Variants in SPATA13 observed in about 807,000 individuals in gnomAD.
SPATA13 encodes spermatogenesis-associated protein 13.
A neutral mutation model predicts 104.0 loss-of-function variants in SPATA13; 50 were observed. That is an observed-to-expected ratio of 0.48 (90% CI 0.38 to 0.61). SPATA13 has a LOEUF of 0.61. Ranked by LOEUF, SPATA13 falls within the 20% of genes least tolerant of loss-of-function variation. SPATA13 has a pLI of 0.00. For synonymous variants in SPATA13, 606 were observed against 667.5 expected (o/e 0.91, Z 1.42); for missense variants, 1,524 against 1,690.6 (o/e 0.90, Z 1.73).
chr13:24,212,351 G>A (rs566949172), intron 1 of SPATA13, among the ~76,000 whole-genome samples: 39 of 152,054 alleles, frequency 2.6e-4, no homozygotes, highest in African/African-American at 8.4e-4. Context: ...TCATTTAAAT[G>A]GAGGACATCA....
chr13:24,157,170 TG>T (rs1456675390), upstream of SPATA13, among the ~76,000 whole-genome samples: 4 of 152,222 alleles, frequency 2.6e-5, no homozygotes, highest in Non-Finnish European at 5.9e-5. Context: ...AGCCGTAGTC[TG>T]GGCGGAAAGG....
intron 1 of SPATA13, among the ~76,000 whole-genome samples, chr13:24,184,388 CCCA>C (rs1188415225): frequency 6.6e-6 from 1 of 152,168 alleles, no homozygotes; most frequent in African/African-American, 2.4e-5. Context: ...CTGTGCGGGT[CCCA>C]GCTGGGCCAA....
intron 3 of SPATA13, among the ~76,000 whole-genome samples, chr13:24,042,607 A>G (rs9507226): frequency 0.95 from 144,754 of 152,350 alleles, 69,093 homozygotes; most frequent in Non-Finnish European, 1. Flanking sequence ...GCACTGGCTC[A>G]TGGGCGGTCA....
intron 2 of SPATA13, among the ~76,000 whole-genome samples, chr13:24,230,920 G>A (rs1872231187): frequency 6.6e-6 from 1 of 152,136 alleles, no homozygotes; most frequent in Admixed American, 6.5e-5. Context: ...TCCGTGGCTG[G>A]GGTTGATCAG....
At chr13:24,096,193 A>G (rs553647133) in intron 3 of SPATA13, among the ~76,000 whole-genome samples, 4 of 152,328 alleles carry the variant, frequency 2.6e-5, no homozygotes, top group African/African-American at 9.6e-5. Context: ...AACAAAACAG[A>G]CATAGCCCAT....
chr13:24,302,902 G>A lies in SPATA13; in HGVS notation c.*129G>A. 2 of 1,193,516 alleles carry A rather than the reference G, an allele frequency of 1.7e-6. No homozygotes were observed. The highest frequency in any genetic ancestry group is 2.4e-6 in the Non-Finnish European group (2 of 840,168). 73.9% of individuals were successfully genotyped at this position (1,193,516 alleles called of 1,614,324 possible). A position where few individuals can be genotyped will look rare whatever the true frequency, so the allele number is the denominator to read the frequency against. ...AACTTCCTTTTAGGGATCAATGAAG[G>A]AGAGAAGGTCTTGGAATCACCTTCA... is the stretch of plus-strand genomic sequence containing the variant. On this transcript the variant is annotated 3_prime_UTR_variant, in exon 13 of 13. Coordinates refer to ENST00000382108, the MANE Select transcript of SPATA13 (RefSeq NM_001166271.3).
At chr13:24,173,533 T>G (rs1883089370) in intron 1 of SPATA13, among the ~76,000 whole-genome samples, 1 of 151,380 alleles carries the variant, frequency 6.6e-6, no homozygotes, top group Non-Finnish European at 1.5e-5. Flanking sequence ...TTTGGCCTTA[T>G]TGCATTGGCT....
At chr13:24,054,554 T>C (rs1350215582) in intron 3 of SPATA13, among the ~76,000 whole-genome samples, 1 of 148,316 alleles carries the variant, frequency 6.7e-6, no homozygotes, top group Non-Finnish European at 1.5e-5. Flanking sequence ...TTAGTTTAAA[T>C]TAACTTTGAC....
At chr13:24,255,256 G>A (rs1223509338) in intron 4 of SPATA13, among the ~76,000 whole-genome samples, 1 of 152,148 alleles carries the variant, frequency 6.6e-6, no homozygotes, top group Admixed American at 6.5e-5. Context: ...AAGAAGACTT[G>A]TAGTAGGATG....
intron 3 of SPATA13, among the ~76,000 whole-genome samples, chr13:24,040,650 T>C (rs879333338): frequency 1.3e-5 from 2 of 152,098 alleles, no homozygotes; most frequent in African/African-American, 4.8e-5. Flanking sequence ...TCAGTTTTAA[T>C]GAGGAGAAAT....
intron 9 of SPATA13, among the ~76,000 whole-genome samples, chr13:24,293,303 C>T (rs1158458136): frequency 6.7e-6 from 1 of 150,154 alleles, no homozygotes; most frequent in Non-Finnish European, 1.5e-5. Flanking sequence ...ATACCTTCTA[C>T]AGATTTTCAA....
intron 2 of SPATA13, chr13:23,983,961 G>A: frequency 1.0e-6 from 1 of 985,308 alleles, no homozygotes; most frequent in African/African-American, 1.7e-5. Context: ...CTGCCTGCAT[G>A]GCATTATCCA....
chr13:24,261,022 A>T (rs1593471729), intron 4 of SPATA13, among the ~76,000 whole-genome samples: 1 of 152,202 alleles, frequency 6.6e-6, no homozygotes, highest in African/African-American at 2.4e-5. Context: ...CTATAGCAGG[A>T]TGCAGAGGAG....
At position 24,036,013 on chromosome 13, in the gene SPATA13, CAAAAAAAAAA is replaced by C. The variant is rs56837096; in HGVS notation, c.-112+18323_-112+18332del. Among the ~76,000 whole-genome samples the C allele has an allele frequency of 5.5e-4, 62 of 112,510 alleles. 1 individual carries two copies. Among genetic ancestry groups the C allele is most frequent in the African/African-American group, 1.9e-3 (59 of 31,320 alleles). 73.8% of individuals were successfully genotyped at this position (112,510 alleles called of 152,430 possible). A position where few individuals can be genotyped will look rare whatever the true frequency, so the allele number is the denominator to read the frequency against. Reference sequence around the variant, plus strand: ...TGGGTGACAGAGTAAGACCCTGTCTCAAAAAAAAAAAAAAAAAAAAGAAAGAAAGAAAAAA... The same window carrying C: ...TGGGTGACAGAGTAAGACCCTGTCTCAAAAAAAAAAGAAAGAAAGAAAAAA... On this transcript the variant is annotated intron_variant, in intron 3 of 14. Transcript: ENST00000424834.
Position 24,109,348 on chromosome 13 carries a change from C to T in SPATA13, c.-112+91647C>T, listed in dbSNP as rs138200014. Among the ~76,000 whole-genome samples the T allele has an allele frequency of 7.9e-5, 12 of 152,216 alleles. No homozygotes were observed. The East Asian group carries it at 1.4e-3, about 17-fold the overall frequency. On this transcript the variant is annotated intron_variant, in intron 3 of 14. Transcript: ENST00000424834. ...GGATATGTGCCACATTTTCTTAATC[C>T]GGTCTATCATTGATGGGCATTTGGG...
chr13:24,278,729 T>C, intron 4 of SPATA13: 1 of 1,582,880 alleles, frequency 6.3e-7, no homozygotes, highest in South Asian at 1.2e-5. Context: ...ATTCAACAGG[T>C]GAAAAAACAA....
At chr13:24,102,505 C>T (rs1466721844) in intron 3 of SPATA13, among the ~76,000 whole-genome samples, 1 of 142,510 alleles carries the variant, frequency 7.0e-6, no homozygotes, top group African/African-American at 2.7e-5. Flanking sequence ...GATGGAGTCT[C>T]ACTCTATCAT....
At chr13:24,217,200 CCGGG>C (rs1477603862) in intron 1 of SPATA13, among the ~76,000 whole-genome samples, 5 of 152,242 alleles carry the variant, frequency 3.3e-5, no homozygotes, top group Admixed American at 6.5e-5. Context: ...TGAGGCCACC[CCGGG>C]CAACATAGCA....
At chr13:24,242,612 CT>C (rs1159871958) in intron 2 of SPATA13, among the ~76,000 whole-genome samples, 1 of 152,116 alleles carries the variant, frequency 6.6e-6, no homozygotes, top group African/African-American at 2.4e-5. Flanking sequence ...GTCTTCTTTG[CT>C]TCTTTGAAAA....
Sources: gnomAD v4.1 joint callset for allele counts (sites outside exome capture counted in the v4.1 genomes callset) on GRCh38, gnomAD v4.1.1 for gene constraint, MANE v1.5 for transcripts, NCBI Gene and HGNC (gene_info 2026-07-23, HGNC 2026-07-21) for gene names.